Variants in PTK2 observed in about 807,000 individuals in gnomAD.
PTK2 encodes protein tyrosine kinase 2, also known as focal adhesion kinase 1.
PTK2 carries 45 observed loss-of-function variants against 150.1 expected under a neutral mutation model. The ratio of observed to expected loss-of-function variants is 0.30; its 90% CI spans 0.24 to 0.38. The LOEUF (loss-of-function observed/expected upper bound fraction) is 0.38. Ranked by LOEUF, PTK2 falls within the 10% of genes least tolerant of loss-of-function variation. PTK2 has a pLI of 1.00. For synonymous variants in PTK2, 432 were observed against 449.2 expected (o/e 0.96, Z 0.48); for missense variants, 919 against 1,307.3 (o/e 0.70, Z 4.58).
chr8:140,992,353 CCAGTTACTTGGGAGG>C (rs1484688575), intron 1 of PTK2, among the ~76,000 whole-genome samples: 1 of 151,082 alleles, frequency 6.6e-6, no homozygotes, highest in African/African-American at 2.4e-5. Context: ...CCCTGTAGTC[CCAGTTACTTGGGAGG>C]CAGAAGCAGG....
intron 2 of PTK2, among the ~76,000 whole-genome samples, chr8:140,922,932 T>C (rs2100168086): frequency 6.6e-6 from 1 of 151,960 alleles, no homozygotes; most frequent in Non-Finnish European, 1.5e-5. Flanking sequence ...GAGAGAGTGG[T>C]GTAAGCACAG....
chr8:140,931,726 G>C (rs1431551144), intron 1 of PTK2, among the ~76,000 whole-genome samples: 1 of 151,540 alleles, frequency 6.6e-6, no homozygotes, highest in African/African-American at 2.4e-5. Flanking sequence ...CTTGAGCCCA[G>C]GAGTTCGAGA....
At chr8:140,668,398 A>G (rs780669136) in exon 30 of PTK2, 1 of 1,612,830 alleles carries the variant, frequency 6.2e-7, no homozygotes, top group South Asian at 1.1e-5. Flanking sequence ...TGGCAGTAGG[A>G]GGGGGGCTGA....
intron 1 of PTK2, among the ~76,000 whole-genome samples, chr8:140,939,947 C>G (rs2100175067): frequency 6.6e-6 from 1 of 152,192 alleles, no homozygotes; most frequent in African/African-American, 2.4e-5. Context: ...AAGGAATCAT[C>G]TGAAAGATGA....
At chr8:140,660,914 C>T (rs73714712) in intron 31 of PTK2, among the ~76,000 whole-genome samples, 5,314 of 152,196 alleles carry the variant, frequency 0.035, 290 homozygotes, top group African/African-American at 0.12. Flanking sequence ...CTATTATGTA[C>T]GAGACACTTG....
chr8:140,877,096 G>C (rs368371654), intron 4 of PTK2, among the ~76,000 whole-genome samples: 9 of 122,576 alleles, frequency 7.3e-5, no homozygotes, highest in African/African-American at 2.5e-4. Context: ...GCAATGGCAT[G>C]ATCTCGGCTC....
chr8:140,770,200 G>T (rs1307609444), intron 14 of PTK2, among the ~76,000 whole-genome samples: 1 of 152,184 alleles, frequency 6.6e-6, no homozygotes, highest in Non-Finnish European at 1.5e-5. Context: ...ATAGTCTGGA[G>T]AAATTACTGT....
At chr8:140,794,787 TCATA>T (rs1358236477) in intron 12 of PTK2, among the ~76,000 whole-genome samples, 1 of 152,136 alleles carries the variant, frequency 6.6e-6, no homozygotes, top group Non-Finnish European at 1.5e-5. Flanking sequence ...CTTGGTAACC[TCATA>T]CAGTTTCAAA....
intron 26 of PTK2, among the ~76,000 whole-genome samples, chr8:140,696,194 T>C (rs1463245199): frequency 6.6e-6 from 1 of 152,148 alleles, no homozygotes; most frequent in African/African-American, 2.4e-5. Flanking sequence ...AAAGTTCCCA[T>C]CTTTGTGATG....
chr8:140,758,706 A>C (rs1032916827), intron 16 of PTK2, among the ~76,000 whole-genome samples: 1 of 152,264 alleles, frequency 6.6e-6, no homozygotes, highest in African/African-American at 2.4e-5. Flanking sequence ...GGTTACAATA[A>C]GCTAAGGTTA....
At chr8:140,866,072 T>C (rs2100139079) in intron 4 of PTK2, among the ~76,000 whole-genome samples, 4 of 152,190 alleles carry the variant, frequency 2.6e-5, no homozygotes, top group Admixed American at 2.6e-4. Context: ...TACAGGCGTG[T>C]GAGCCACCAC....
chr8:140,923,629 G>A (rs192921530), intron 2 of PTK2, among the ~76,000 whole-genome samples: 240 of 152,262 alleles, frequency 1.6e-3, no homozygotes, highest in Non-Finnish European at 3.0e-3. Flanking sequence ...AAGTGAAAAA[G>A]CGTAAGCAGT....
intron 14 of PTK2, among the ~76,000 whole-genome samples, chr8:140,768,666 C>T (rs2154556046): frequency 6.6e-6 from 1 of 152,340 alleles, no homozygotes; most frequent in Non-Finnish European, 1.5e-5. Flanking sequence ...TTCTGAATGA[C>T]TGCTGTGAGA....
intron 7 of PTK2, among the ~76,000 whole-genome samples, chr8:140,842,345 T>C (rs1353700937): frequency 6.6e-6 from 1 of 152,034 alleles, no homozygotes; most frequent in Non-Finnish European, 1.5e-5. Context: ...TTTTTCTTAA[T>C]GCTCTTTAAA....
At chr8:140,670,745 C>G (rs1233146430) in intron 29 of PTK2, among the ~76,000 whole-genome samples, 3 of 152,116 alleles carry the variant, frequency 2.0e-5, no homozygotes, top group Non-Finnish European at 1.5e-5. Context: ...CACTGAGAGT[C>G]ACAGTGTGGT....
chr8:140,674,747 T>TA (rs1175498781), intron 28 of PTK2, among the ~76,000 whole-genome samples: 4 of 146,308 alleles, frequency 2.7e-5, no homozygotes, highest in South Asian at 4.3e-4. Flanking sequence ...CTCAAAAAAA[T>TA]AAAAAAAAGA....
chr8:140,864,445 C>A, intron 4 of PTK2, 46 bp from the exon 5 acceptor site: 1 of 1,174,854 alleles, frequency 8.5e-7, no homozygotes, highest in Admixed American at 2.1e-5. Context: ...CAGTCATTTT[C>A]TCAATTTACA....
rs2100074425 is a variant in PTK2, at chr8:140,769,606, T to C, written c.1178-5316A>G. ...CACTAATTTCATCTGCAGATCCGGG[T>C]GGCATGCAAAGAAAGGGAAGTAGGG... On this transcript the variant is annotated intron_variant, in intron 14 of 31. Transcript: ENST00000522684. 1 of 1,359,774 alleles carries C rather than the reference T, an allele frequency of 7.4e-7. No homozygotes were observed. The highest frequency in any genetic ancestry group is 9.8e-7 in the Non-Finnish European group (1 of 1,025,200). 84.2% of individuals were successfully genotyped at this position (1,359,774 alleles called of 1,614,324 possible).
At chr8:140,713,580 C>T (rs1235986349) in intron 23 of PTK2, among the ~76,000 whole-genome samples, 4 of 152,136 alleles carry the variant, frequency 2.6e-5, no homozygotes, top group Non-Finnish European at 4.4e-5. Flanking sequence ...GGAATGGTCA[C>T]GGGGACCTAC....
Sources: allele counts gnomAD v4.1 joint callset (sites outside exome capture counted in the v4.1 genomes callset), GRCh38; gene constraint gnomAD v4.1.1; transcripts MANE v1.5; gene names NCBI Gene and HGNC (gene_info 2026-07-23, HGNC 2026-07-21).